Variants in SLC24A2 observed in about 807,000 individuals in gnomAD.
SLC24A2 encodes sodium/potassium/calcium exchanger 2.
In SLC24A2, 36 loss-of-function variants were observed where a neutral mutation model predicts 62.0. The observed-to-expected ratio is 0.58, with a 90% CI of 0.44 to 0.77. The LOEUF is 0.77. SLC24A2 is among the 30% of genes least tolerant of loss of function. The pLI is 0.00. For synonymous variants in SLC24A2, 358 were observed against 294.0 expected (o/e 1.22, Z -2.23); for missense variants, 846 against 817.9 (o/e 1.03, Z -0.42).
chr9:19,532,318 A>C (rs1164441734), intron 8 of SLC24A2, among the ~76,000 whole-genome samples: 1 of 151,980 alleles, frequency 6.6e-6, no homozygotes, highest in Non-Finnish European at 1.5e-5. Flanking sequence ...CTGGTCTCGA[A>C]CTCCCAACCT....
the SLC24A2 span, among the ~76,000 whole-genome samples, chr9:20,175,860 G>A: frequency 6.6e-6 from 1 of 152,002 alleles, no homozygotes; most frequent in Non-Finnish European, 1.5e-5. Flanking sequence ...CTGTATGATG[G>A]AAGGATGGAG....
chr9:19,586,072 T>A (rs1398465536), intron 5 of SLC24A2, among the ~76,000 whole-genome samples: 2 of 152,246 alleles, frequency 1.3e-5, no homozygotes, highest in African/African-American at 4.8e-5. Flanking sequence ...CTGTCTTATT[T>A]CTTTTTAAGA....
intron 9 of SLC24A2, among the ~76,000 whole-genome samples, chr9:19,525,608 T>G (rs1193737279): frequency 6.6e-6 from 1 of 151,546 alleles, no homozygotes; most frequent in Non-Finnish European, 1.5e-5. Flanking sequence ...TTTGCCATGT[T>G]GCCCAGGCTG....
At chr9:19,882,342 T>C in the SLC24A2 span, among the ~76,000 whole-genome samples, 2 of 152,262 alleles carry the variant, frequency 1.3e-5, no homozygotes, top group Non-Finnish European at 2.9e-5. Context: ...GGTTAGCATC[T>C]TTATTTGCTT....
intron 2 of SLC24A2, among the ~76,000 whole-genome samples, chr9:19,710,420 C>T (rs113282047): frequency 6.4e-4 from 98 of 152,048 alleles, no homozygotes; most frequent in African/African-American, 2.2e-3. Context: ...GGGGTGGTGG[C>T]GGTAAAGAAG....
the SLC24A2 span, among the ~76,000 whole-genome samples, chr9:19,976,108 T>A: frequency 6.6e-6 from 1 of 152,306 alleles, no homozygotes; most frequent in East Asian, 1.9e-4. Context: ...GGTCTTGAAC[T>A]TTTGGCCTCA....
At chr9:20,145,631 A>ACACAC in the SLC24A2 span, among the ~76,000 whole-genome samples, 87 of 150,614 alleles carry the variant, frequency 5.8e-4, no homozygotes, top group African/African-American at 2.0e-3. Flanking sequence ...GCACGTGTGC[A>ACACAC]ATTACACATA....
At chr9:19,950,937 A>G in the SLC24A2 span, among the ~76,000 whole-genome samples, 1 of 152,212 alleles carries the variant, frequency 6.6e-6, no homozygotes, top group African/African-American at 2.4e-5. Flanking sequence ...AGACTTTGTG[A>G]CCACAGGAAA....
the SLC24A2 span, among the ~76,000 whole-genome samples, chr9:20,129,747 T>C: frequency 2.0e-5 from 3 of 151,880 alleles, no homozygotes; most frequent in Non-Finnish European, 4.4e-5. Flanking sequence ...AGACAGAAAG[T>C]AGATTAATGA....
At chr9:19,558,962 G>A (rs987952415) in intron 7 of SLC24A2, among the ~76,000 whole-genome samples, 10 of 152,164 alleles carry the variant, frequency 6.6e-5, no homozygotes, top group South Asian at 2.1e-4. Context: ...AGAAGGGATC[G>A]AGAGACAAAG....
chr9:19,870,916 C>T, the SLC24A2 span, among the ~76,000 whole-genome samples: 2 of 152,042 alleles, frequency 1.3e-5, no homozygotes, highest in African/African-American at 4.8e-5. Flanking sequence ...AGTCCTTTAT[C>T]AGCTTAGATG....
chr9:19,630,600 C>T (rs1047544912), intron 2 of SLC24A2, among the ~76,000 whole-genome samples: 1 of 152,100 alleles, frequency 6.6e-6, no homozygotes. Context: ...CACGTTTTAA[C>T]TTCCGATCTC....
intron 2 of SLC24A2, among the ~76,000 whole-genome samples, chr9:19,754,437 G>A (rs543825778): frequency 1.3e-5 from 2 of 152,260 alleles, no homozygotes; most frequent in East Asian, 1.9e-4. Flanking sequence ...CAATGACAGC[G>A]GGACTGGTGC....
the SLC24A2 span, among the ~76,000 whole-genome samples, chr9:20,185,152 A>G: frequency 1.3e-5 from 2 of 152,110 alleles, no homozygotes; most frequent in African/African-American, 4.8e-5. Context: ...GAGGAGGAAT[A>G]AGTTCAAGAG....
the SLC24A2 span, among the ~76,000 whole-genome samples, chr9:19,902,756 G>A: frequency 6.6e-6 from 1 of 152,122 alleles, no homozygotes; most frequent in African/African-American, 2.4e-5. Flanking sequence ...TGAGAAGGCA[G>A]GAATAAGAGG....
the SLC24A2 span, among the ~76,000 whole-genome samples, chr9:20,256,909 A>G: frequency 7.1e-6 from 1 of 139,948 alleles, no homozygotes; most frequent in African/African-American, 2.7e-5. Flanking sequence ...ACAATAATAA[A>G]ACTCCAGCAT....
At chr9:19,942,855 G>A in the SLC24A2 span, among the ~76,000 whole-genome samples, 3 of 152,236 alleles carry the variant, frequency 2.0e-5, no homozygotes, top group South Asian at 2.1e-4. Context: ...GCCTACAGGC[G>A]CCGATGAGCC....
At chr9:20,077,121 G>A in the SLC24A2 span, among the ~76,000 whole-genome samples, 1 of 151,836 alleles carries the variant, frequency 6.6e-6, no homozygotes, top group Non-Finnish European at 1.5e-5. Flanking sequence ...TAAAAAAGTG[G>A]TAATCAGGGG....
chr9:19,695,679 CAAAAA>C (rs66668393), intron 2 of SLC24A2, among the ~76,000 whole-genome samples: 24 of 73,540 alleles, frequency 3.3e-4, no homozygotes, highest in East Asian at 4.7e-4. Context: ...TTGTTAGTAG[CAAAAA>C]AAAAAAAAAA....
Sources: allele counts gnomAD v4.1 joint callset (sites outside exome capture counted in the v4.1 genomes callset), GRCh38; gene constraint gnomAD v4.1.1; transcripts MANE v1.5; gene names NCBI Gene and HGNC (gene_info 2026-07-23, HGNC 2026-07-21).